SPDYE17: variants seen among roughly 807,000 people sequenced by gnomAD.
The protein encoded by SPDYE17 is speedy protein E17.
For synonymous variants in SPDYE17, 4 were observed against 14.8 expected (o/e 0.27, Z 1.68); for missense variants, 7 against 38.0 (o/e 0.18, Z 2.15).
chr7:77,029,814 C>T lies in SPDYE17; in HGVS notation c.131-363G>A, dbSNP rs1168423878. Among the ~76,000 whole-genome samples the T allele has an allele frequency of 1.6e-5, 2 of 121,714 alleles. 1 individual carries two copies. Among genetic ancestry groups the T allele is most frequent in the Non-Finnish European group, 3.3e-5 (2 of 61,040 alleles). 79.8% of individuals were successfully genotyped at this position (121,714 alleles called of 152,430 possible). A position where few individuals can be genotyped will look rare whatever the true frequency, so the allele number is the denominator to read the frequency against. On this transcript the variant is annotated intron_variant, in intron 2 of 7. Coordinates refer to ENST00000671986, the MANE Select transcript of SPDYE17 (RefSeq NM_001351351.3). ...ATCCATCTCCCGGATTCCATTTATT[C>T]TCCTGCCTCAGCCTCTCAGGTAGCT...
intron 5 of SPDYE17, chr7:77,025,763 TAAATAAA>T (rs1789421455): frequency 7.3e-6 from 1 of 136,778 alleles, no homozygotes; most frequent in African/African-American, 2.8e-5. Context: ...AATAAATAAA[TAAATAAA>T]TAAATAAATA....
At chr7:77,032,178 C>T (rs1253345041) in intron 1 of SPDYE17, among the ~76,000 whole-genome samples, 62 bp downstream of exon 1, 1 of 96,168 alleles carries the variant, frequency 1.0e-5, no homozygotes, top group Non-Finnish European at 2.0e-5. Context: ...CCATTGCACT[C>T]CAGCCTGGGC....
chr7:77,032,270 C>G lies in SPDYE17; in HGVS notation c.-484G>C, dbSNP rs1420840334. 1.6e-5 allele frequency among the ~76,000 whole-genome samples: 2 copies of G among 127,298 alleles called. 1 individual carries two copies. The highest frequency in any genetic ancestry group is 1.9e-4 in the Admixed American group (2 of 10,592). 83.5% of individuals were successfully genotyped at this position (127,298 alleles called of 152,430 possible). On this transcript the variant is annotated 5_prime_UTR_variant, in exon 1 of 8. Coordinates refer to ENST00000671986, the MANE Select transcript of SPDYE17 (RefSeq NM_001351351.3). ...GATGAGTTCCCACATGGCTTCCTAACGGGCTGCGGCTCTCCTAGGAGTCTC... is the reference window on the plus strand; with the variant it reads ...GATGAGTTCCCACATGGCTTCCTAAGGGGCTGCGGCTCTCCTAGGAGTCTC...
rs201931516 is a variant in SPDYE17 at position 77,025,745 on chromosome 7, G to GATAAATAAATAA, written c.495-646_495-635dup. 53 of 111,566 alleles carry GATAAATAAATAA rather than the reference G, an allele frequency of 4.8e-4. No individual in the cohort carries two copies. The East Asian group carries it at 4.9e-3, about 10-fold the overall frequency. 6.9% of individuals were successfully genotyped at this position (111,566 alleles called of 1,614,324 possible). On this transcript the variant is annotated intron_variant, in intron 5 of 7. Transcript: ENST00000671986. ...AGAGACACAGCAACACTCTTGTCTT[G>GATAAATAAATAA]ATAAATAAATAAATAAATAAATAAA...
rs1013314054 is a variant in SPDYE17 at position 77,025,766 on chromosome 7, A to G, written c.495-655T>C. The G allele has an allele frequency of 1.4e-5, 2 of 138,448 alleles. 1 individual carries two copies. Among genetic ancestry groups the G allele is most frequent in the African/African-American group, 5.4e-5 (2 of 36,814 alleles). The allele number at this position is 138,448 out of a possible 1,614,324, so 8.6% of individuals were successfully genotyped here. On this transcript the variant is annotated intron_variant, in intron 5 of 7. Coordinates refer to ENST00000671986, the MANE Select transcript of SPDYE17 (RefSeq NM_001351351.3). ...TCTTGATAAATAAATAAATAAATAA[A>G]TAAATAAATAAATAACTGTCCAGGT...
intron 3 of SPDYE17, 144 bp from the exon 4 acceptor site, chr7:77,028,344 CTT>C (rs1789468433): frequency 3.7e-6 from 2 of 536,144 alleles, no homozygotes; most frequent in Non-Finnish European, 5.8e-6. Flanking sequence ...GGGAGAATGA[CTT>C]TCACTGGGCA....
rs1301489138 is a variant in SPDYE17, at chr7:77,032,252, T to C, written c.-466A>G. Reference sequence around the variant, plus strand: ...AAACAAAAAGAACCTGTGGATGAGTTCCCACATGGCTTCCTAACGGGCTGC... The same window carrying C: ...AAACAAAAAGAACCTGTGGATGAGTCCCCACATGGCTTCCTAACGGGCTGC... On this transcript the variant is annotated 5_prime_UTR_variant, in exon 1 of 8. Coordinates refer to ENST00000671986, the MANE Select transcript of SPDYE17 (RefSeq NM_001351351.3). Among the ~76,000 whole-genome samples, 1 of 125,802 alleles carries C rather than the reference T, an allele frequency of 7.9e-6. No individual in the cohort carries two copies. Among genetic ancestry groups the C allele is most frequent in the Admixed American group, 9.6e-5 (1 of 10,450 alleles). 82.5% of individuals were successfully genotyped at this position (125,802 alleles called of 152,430 possible).
intron 5 of SPDYE17, 140 bp from the exon 6 acceptor site, chr7:77,025,251 C>T (rs1231720670): frequency 1.5e-4 from 4 of 27,284 alleles, no homozygotes; most frequent in Non-Finnish European, 2.5e-4. Flanking sequence ...ACGCCTTCCT[C>T]AGGAGGGCTC....
chr7:77,029,837 G>T (rs1789482654), intron 2 of SPDYE17, among the ~76,000 whole-genome samples: 1 of 128,044 alleles, frequency 7.8e-6, no homozygotes, highest in African/African-American at 2.8e-5. Flanking sequence ...CTCTCAGGTA[G>T]CTGGGATTAC....
rs546494972 is a variant in SPDYE17 at position 77,026,430 on chromosome 7, A to T, written c.494+399T>A. ...AGGAAGCCCCTTGGCTTGGGGAGAGACTCCAGGAAACCCCAGCAGGGAGCA... is the reference window on the plus strand; with the variant it reads ...AGGAAGCCCCTTGGCTTGGGGAGAGTCTCCAGGAAACCCCAGCAGGGAGCA... On this transcript the variant is annotated intron_variant, in intron 5 of 7. Coordinates refer to ENST00000671986, the MANE Select transcript of SPDYE17 (RefSeq NM_001351351.3). Among the ~76,000 whole-genome samples, 12 of 147,804 alleles carry T rather than the reference A, an allele frequency of 8.1e-5. No individual in the cohort carries two copies. The South Asian group carries it at 1.1e-3, about 13-fold the overall frequency.
chr7:77,029,808 T>G (rs377175987), intron 2 of SPDYE17, among the ~76,000 whole-genome samples: 1,271 of 121,570 alleles, frequency 0.01, 43 homozygotes, highest in Middle Eastern at 0.037. Context: ...CCGGATTCCA[T>G]TTATTCTCCT....
chr7:77,025,663 G>A (rs1375150110), intron 5 of SPDYE17: 4 of 128,210 alleles, frequency 3.1e-5, no homozygotes, highest in African/African-American at 1.2e-4. Flanking sequence ...AGAATTGTGT[G>A]AACCCAGGAG....
At chr7:77,028,026 A>T (rs1325209607) in intron 4 of SPDYE17, 116 bp downstream of exon 4, 2 of 749,508 alleles carry the variant, frequency 2.7e-6, no homozygotes, top group Non-Finnish European at 3.9e-6. Flanking sequence ...AACAAAAAAA[A>T]ACTGTAGGAG....
At chr7:77,027,803 C>G (rs1789456764) in intron 4 of SPDYE17, among the ~76,000 whole-genome samples, 1 of 128,260 alleles carries the variant, frequency 7.8e-6, no homozygotes, top group Non-Finnish European at 1.6e-5. Flanking sequence ...CGGGACCAAT[C>G]TGGCCAACAT....
Position 77,031,945 on chromosome 7 carries a change from A to C in SPDYE17, c.-454+295T>G, listed in dbSNP as rs1204212815. Reference sequence around the variant, plus strand: ...GGGTTCCGGCCAGGCACAGTGGCTCACGCCTGTAATCCCAGCGCTTTGGGA... The same window carrying C: ...GGGTTCCGGCCAGGCACAGTGGCTCCCGCCTGTAATCCCAGCGCTTTGGGA... On this transcript the variant is annotated intron_variant, in intron 1 of 7. Coordinates refer to ENST00000671986, the MANE Select transcript of SPDYE17 (RefSeq NM_001351351.3). 7.3e-5 allele frequency among the ~76,000 whole-genome samples: 4 copies of C among 54,700 alleles called. 1 individual carries two copies. The highest frequency in any genetic ancestry group is 1.2e-4 in the Non-Finnish European group (4 of 33,536). 35.9% of individuals were successfully genotyped at this position (54,700 alleles called of 152,430 possible).
chr7:77,025,788 A>G (rs1331746434), intron 5 of SPDYE17: 1 of 142,552 alleles, frequency 7.0e-6, no homozygotes, highest in Non-Finnish European at 1.5e-5. Flanking sequence ...ATAACTGTCC[A>G]GGTGTGGTGG....
chr7:77,027,898 G>T (rs1161476069), intron 4 of SPDYE17, among the ~76,000 whole-genome samples: 6 of 131,578 alleles, frequency 4.6e-5, no homozygotes, highest in African/African-American at 1.3e-4. Flanking sequence ...TGGAGGCTGA[G>T]GTGGGAGAAT....
intron 5 of SPDYE17, among the ~76,000 whole-genome samples, 157 bp downstream of exon 5, chr7:77,026,672 T>A (rs1411224474): frequency 1.5e-5 from 1 of 68,570 alleles, no homozygotes; most frequent in East Asian, 4.8e-4. Context: ...TTTTGTTCTT[T>A]TTTTTTTTTT....
Position 77,027,578 on chromosome 7 carries a change from A to G in SPDYE17, c.408+564T>C, listed in dbSNP as rs1183053893. 2.1e-4 allele frequency among the ~76,000 whole-genome samples: 12 copies of G among 56,760 alleles called. 5 individuals carry two copies. Among genetic ancestry groups the G allele is most frequent in the Non-Finnish European group, 3.4e-4 (12 of 35,730 alleles). The allele number at this position is 56,760 out of a possible 152,430, so 37.2% of individuals were successfully genotyped here. ...CCTAGTCCCAGCTCCTCAGGAGGCT[A>G]AGGAAAGAAGATTGCTTGAGCCCAG... On this transcript the variant is annotated intron_variant, in intron 4 of 7. Transcript: ENST00000671986.
Sources: gnomAD v4.1 joint callset for allele counts (sites outside exome capture counted in the v4.1 genomes callset) on GRCh38, gnomAD v4.1.1 for gene constraint, MANE v1.5 for transcripts, NCBI Gene and HGNC (gene_info 2026-07-23, HGNC 2026-07-21) for gene names.